Variants in TOPAZ1 observed in about 807,000 individuals in gnomAD.
TOPAZ1 encodes the protein protein TOPAZ1.
In TOPAZ1, 66 loss-of-function variants were observed where a neutral mutation model predicts 172.2. The observed-to-expected ratio is 0.38, with a 90% CI of 0.31 to 0.47. The LOEUF (loss-of-function observed/expected upper bound fraction) is 0.47, where lower values mean the gene tolerates loss of function less well. Ranked by LOEUF, TOPAZ1 falls within the 20% of genes least tolerant of loss-of-function variation. TOPAZ1 has a pLI of 0.99. For synonymous variants in TOPAZ1, 681 were observed against 683.9 expected, an observed-to-expected ratio of 1.00 and a Z score of 0.07; for missense variants, 1,822 against 1,972.4, an observed-to-expected ratio of 0.92 and a Z score of 1.44.
At chr3:44,295,706 C>G (rs1291884493) in intron 12 of TOPAZ1, among the ~76,000 whole-genome samples, 1 of 151,888 alleles carries the variant, frequency 6.6e-6, no homozygotes, top group Non-Finnish European at 1.5e-5. Context: ...AGTATATGCA[C>G]CAAAAAACAG....
At chr3:44,302,028 G>C (rs1336504010) in intron 12 of TOPAZ1, among the ~76,000 whole-genome samples, 1 of 152,074 alleles carries the variant, frequency 6.6e-6, no homozygotes, top group East Asian at 1.9e-4. Context: ...AATCTACGTG[G>C]AGTTTTTTCT....
downstream of TOPAZ1, among the ~76,000 whole-genome samples, chr3:44,334,976 A>G (rs971206721): frequency 6.6e-6 from 1 of 152,122 alleles, no homozygotes; most frequent in African/African-American, 2.4e-5. Context: ...GTGTGATTTC[A>G]TGATAAGTAC....
At chr3:44,298,545 G>C (rs931309354) in intron 12 of TOPAZ1, among the ~76,000 whole-genome samples, 2 of 151,960 alleles carry the variant, frequency 1.3e-5, no homozygotes, top group African/African-American at 4.8e-5. Context: ...AATTAAGAAA[G>C]TATGTTATTG....
At chr3:44,326,743 A>C (rs1700604581) in intron 18 of TOPAZ1, among the ~76,000 whole-genome samples, 1 of 152,150 alleles carries the variant, frequency 6.6e-6, no homozygotes, top group African/African-American at 2.4e-5. Flanking sequence ...TCCTAAAAAT[A>C]CTGCTTTTCT....
intron 9 of TOPAZ1, among the ~76,000 whole-genome samples, chr3:44,285,867 C>T (rs1177569425): frequency 6.6e-6 from 1 of 151,570 alleles, no homozygotes; most frequent in Non-Finnish European, 1.5e-5. Context: ...CACGCCTGGC[C>T]GAGAGGATCA....
chr3:44,312,353 A>C (rs1700406307), intron 16 of TOPAZ1, among the ~76,000 whole-genome samples: 1 of 152,210 alleles, frequency 6.6e-6, no homozygotes, highest in Non-Finnish European at 1.5e-5. Flanking sequence ...AGAAGAATGC[A>C]CAAGAAACTA....
intron 11 of TOPAZ1, among the ~76,000 whole-genome samples, 167 bp from the exon 12 acceptor site, chr3:44,290,604 G>A (rs1016888560): frequency 6.6e-6 from 1 of 152,146 alleles, no homozygotes; most frequent in Non-Finnish European, 1.5e-5. Flanking sequence ...TAAATTCTTA[G>A]GATATCTTTT....
chr3:44,279,442 GGA>G (rs1427465280), intron 8 of TOPAZ1, among the ~76,000 whole-genome samples: 1 of 152,038 alleles, frequency 6.6e-6, no homozygotes, highest in Non-Finnish European at 1.5e-5. Flanking sequence ...TTATTGTATT[GGA>G]GTCTGTCCCT....
intron 5 of TOPAZ1, 96 bp from the exon 6 acceptor site, chr3:44,266,901 A>G (rs1699836063): frequency 3.1e-6 from 3 of 965,528 alleles, no homozygotes; most frequent in Non-Finnish European, 4.2e-6. Flanking sequence ...AAAAATAAAA[A>G]ATTTTTTTAA....
At chr3:44,320,692 AAAT>A (rs1700498675) in intron 16 of TOPAZ1, among the ~76,000 whole-genome samples, 1 of 152,238 alleles carries the variant, frequency 6.6e-6, no homozygotes, top group South Asian at 2.1e-4. Context: ...TTGTCCACAT[AAAT>A]AATATTTTAT....
chr3:44,271,665 G>A (rs1167793779), intron 8 of TOPAZ1, among the ~76,000 whole-genome samples: 4 of 152,044 alleles, frequency 2.6e-5, no homozygotes, highest in Admixed American at 2.6e-4. Flanking sequence ...GGGGTACAGT[G>A]TGATGTTTTG....
At chr3:44,262,814 C>G (rs899156650) in intron 5 of TOPAZ1, among the ~76,000 whole-genome samples, 5 of 152,190 alleles carry the variant, frequency 3.3e-5, no homozygotes, top group African/African-American at 1.2e-4. Flanking sequence ...AAGGATCTTA[C>G]ATAGTTGCAG....
intron 12 of TOPAZ1, among the ~76,000 whole-genome samples, chr3:44,291,308 TAA>T (rs11459668): frequency 2.1e-5 from 3 of 142,638 alleles, no homozygotes; most frequent in Non-Finnish European, 1.5e-5. Flanking sequence ...CAAAGACCTT[TAA>T]AAAAAAAAAA....
downstream of TOPAZ1, among the ~76,000 whole-genome samples, chr3:44,335,223 A>C (rs1358955354): frequency 6.6e-6 from 1 of 152,184 alleles, no homozygotes; most frequent in Non-Finnish European, 1.5e-5. Context: ...AAACCATAAG[A>C]GTTCAGGAGG....
Position 44,262,420 on chromosome 3 carries a change from A to T in TOPAZ1, c.2957A>T (p.His986Leu). Reference sequence around the variant, plus strand: ...TATTTAACCATAATCTCTTCACAGCATAGATTTACAGACAAAGTGATTACC... The same window carrying T: ...TATTTAACCATAATCTCTTCACAGCTTAGATTTACAGACAAAGTGATTACC... Reference protein sequence around the residue: ...QIKGSDLDEKHRFTDKVITKE... With the variant: ...QIKGSDLDEKLRFTDKVITKE... The change falls in exon 5 of 20, where the codon CAT (histidine) becomes CTT (leucine). Residue 986 changes from histidine (H) to leucine (L), a missense_variant and splice_region_variant. By Grantham distance (99) the His-to-Leu change is moderately conservative. Transcript: ENST00000309765. 6.8e-7 allele frequency: 1 copy of T among 1,476,066 alleles called. No homozygotes were observed. 91.4% of individuals were successfully genotyped at this position (1,476,066 alleles called of 1,614,324 possible).
intron 2 of TOPAZ1, among the ~76,000 whole-genome samples, chr3:44,247,068 A>G (rs1327409930): frequency 6.6e-6 from 1 of 152,222 alleles, no homozygotes; most frequent in East Asian, 1.9e-4. Context: ...ATTTTAAAAC[A>G]TGATACATTT....
At chr3:44,277,340 A>T (rs1699971794) in intron 8 of TOPAZ1, among the ~76,000 whole-genome samples, 1 of 152,062 alleles carries the variant, frequency 6.6e-6, no homozygotes, top group Admixed American at 6.5e-5. Flanking sequence ...TTGTGTTTTG[A>T]TTTTGTATCC....
intron 18 of TOPAZ1, among the ~76,000 whole-genome samples, chr3:44,327,218 C>T (rs1380647100): frequency 6.6e-6 from 1 of 152,210 alleles, no homozygotes; most frequent in Non-Finnish European, 1.5e-5. Context: ...GTACATGGCA[C>T]ATAGCAGGTC....
intron 16 of TOPAZ1, among the ~76,000 whole-genome samples, chr3:44,315,103 A>AGGTG (rs1334300539): frequency 1.1e-5 from 1 of 87,044 alleles, no homozygotes; most frequent in Non-Finnish European, 2.5e-5. Flanking sequence ...ATATTAGTTG[A>AGGTG]GGTGGATGGA....
Sources: gnomAD v4.1 joint callset for allele counts (sites outside exome capture counted in the v4.1 genomes callset) on GRCh38, gnomAD v4.1.1 for gene constraint, MANE v1.5 for transcripts, NCBI Gene and HGNC (gene_info 2026-07-23, HGNC 2026-07-21) for gene names.